The following SYNE2 variants were observed in gnomAD, a reference collection of about 807,000 sequenced individuals.
SYNE2 encodes spectrin repeat containing nuclear envelope protein 2.
A neutral mutation model predicts 856.3 loss-of-function variants in SYNE2; 431 were observed. That is an observed-to-expected ratio of 0.50 (90% CI 0.47 to 0.55). SYNE2 has a LOEUF of 0.55. Ranked by LOEUF, SYNE2 falls within the 20% of genes least tolerant of loss-of-function variation. SYNE2 has a pLI of 0.00. For missense variants in SYNE2, 8,129 were observed against 8,023.2 expected, an observed-to-expected ratio of 1.01 and a Z score of -0.50; for synonymous variants, 2,923 against 2,872.3, an observed-to-expected ratio of 1.02 and a Z score of -0.56.
At chr14:64,031,958 G>A (rs1037848173) in intron 45 of SYNE2, among the ~76,000 whole-genome samples, 8 of 152,284 alleles carry the variant, frequency 5.3e-5, no homozygotes, top group Non-Finnish European at 1.2e-4. Flanking sequence ...ATTGAAATGG[G>A]AATCGCACAA....
intron 59 of SYNE2, 45 bp from the exon 60 acceptor site, chr14:64,090,821 C>T: frequency 6.6e-7 from 1 of 1,514,334 alleles, no homozygotes; most frequent in Non-Finnish European, 9.1e-7. Flanking sequence ...TAACAGTGGC[C>T]ATTGTCTTTT....
At chr14:63,814,457 C>T in intron 1 of SYNE2, among the ~76,000 whole-genome samples, 1 of 30,202 alleles carries the variant, frequency 3.3e-5, no homozygotes. Context: ...TAATATATAT[C>T]CTTATATATC....
chr14:64,192,908 G>A (rs936147114), intron 99 of SYNE2, among the ~76,000 whole-genome samples: 17 of 152,336 alleles, frequency 1.1e-4, no homozygotes, highest in African/African-American at 4.1e-4. Flanking sequence ...GCAAGGGCCA[G>A]GCTGAGACAG....
chr14:64,221,753 C>A, intron 112 of SYNE2, 49 bp downstream of exon 112: 1 of 1,603,774 alleles, frequency 6.2e-7, no homozygotes, highest in South Asian at 1.1e-5. Flanking sequence ...TCTGTCAGCC[C>A]CAGAGAGGCA....
intron 61 of SYNE2, 46 bp downstream of exon 61, chr14:64,093,526 T>G: frequency 6.2e-7 from 1 of 1,611,804 alleles, no homozygotes; most frequent in Admixed American, 1.7e-5. Context: ...TGTCCATCAG[T>G]GCATTTATTT....
At chr14:64,103,401 A>G (rs1406702806) in intron 64 of SYNE2, among the ~76,000 whole-genome samples, 2 of 150,082 alleles carry the variant, frequency 1.3e-5, no homozygotes, top group African/African-American at 4.9e-5. Context: ...GATAAATTAG[A>G]TGCGCTAAGT....
At chr14:64,086,164 T>A (rs955802813) in intron 57 of SYNE2, among the ~76,000 whole-genome samples, 1 of 152,364 alleles carries the variant, frequency 6.6e-6, no homozygotes, top group Non-Finnish European at 1.5e-5. Flanking sequence ...AGATCTATGA[T>A]TCATTTCATG....
At chr14:64,116,577 C>G (rs1487431638) in intron 66 of SYNE2, among the ~76,000 whole-genome samples, 1 of 152,144 alleles carries the variant, frequency 6.6e-6, no homozygotes, top group Non-Finnish European at 1.5e-5. Flanking sequence ...ACCACAGCAT[C>G]TGGCTAATTT....
intron 57 of SYNE2, among the ~76,000 whole-genome samples, chr14:64,082,614 C>T (rs1452061501): frequency 1.3e-5 from 2 of 152,140 alleles, no homozygotes; most frequent in African/African-American, 4.8e-5. Flanking sequence ...CCTGAATGAT[C>T]TTCAAAGAGA....
intron 94 of SYNE2, chr14:64,173,791 A>G (rs2098421660): frequency 3.7e-6 from 2 of 544,382 alleles, no homozygotes; most frequent in South Asian, 2.5e-5. Context: ...ACAGACAAAA[A>G]CTATTTAATT....
intron 110 of SYNE2, among the ~76,000 whole-genome samples, chr14:64,219,842 G>C (rs1033255908): frequency 1.3e-5 from 2 of 152,130 alleles, no homozygotes; most frequent in Non-Finnish European, 2.9e-5. Flanking sequence ...GATGAATCCC[G>C]TGGCCTGACC....
chr14:64,209,821 C>A, intron 102 of SYNE2, 121 bp from the exon 103 acceptor site: 2 of 1,382,106 alleles, frequency 1.4e-6, no homozygotes, highest in Non-Finnish European at 1.0e-6. Context: ...GAATTAGGCC[C>A]TCTGCTGCCA....
At chr14:63,989,347 TA>T (rs2096649762) in intron 19 of SYNE2, among the ~76,000 whole-genome samples, 1 of 152,194 alleles carries the variant, frequency 6.6e-6, no homozygotes, top group Non-Finnish European at 1.5e-5. Flanking sequence ...TTTATTTTAT[TA>T]TTTTTTTGAG....
intron 1 of SYNE2, among the ~76,000 whole-genome samples, chr14:63,784,952 T>TGG (rs1887458709): frequency 1.1e-5 from 1 of 89,980 alleles, no homozygotes; most frequent in Non-Finnish European, 2.7e-5. Context: ...TGTTATTTTT[T>TGG]TGGGGGGGTG....
chr14:64,156,901 G>A (rs910425951), intron 85 of SYNE2, among the ~76,000 whole-genome samples: 28 of 152,134 alleles, frequency 1.8e-4, no homozygotes, highest in African/African-American at 6.8e-4. Flanking sequence ...GCCCTGTTTG[G>A]GGCAGAGATT....
chr14:64,037,175 G>T lies in SYNE2; in HGVS notation c.7221+5818G>T, dbSNP rs139092454. ...AATTGATCATTCTTGGGTGTTTCTCGCAGAGGGGGATTTGGCGGGGTCATA... is the reference window on the plus strand; with the variant it reads ...AATTGATCATTCTTGGGTGTTTCTCTCAGAGGGGGATTTGGCGGGGTCATA... On this transcript the variant is annotated intron_variant, in intron 45 of 115. Coordinates refer to ENST00000555002, the MANE Select transcript of SYNE2 (RefSeq NM_182914.3). 1.1e-3 allele frequency among the ~76,000 whole-genome samples: 161 copies of T among 149,744 alleles called. 3 individuals carry two copies. In the South Asian group the frequency reaches 0.015, roughly 14 times the overall value.
chr14:64,026,846 T>A, intron 42 of SYNE2, 116 bp downstream of exon 42: 1 of 1,275,598 alleles, frequency 7.8e-7, no homozygotes, highest in Non-Finnish European at 1.1e-6. Flanking sequence ...AGAAAGTTGG[T>A]AATGTCAGGG....
intron 1 of SYNE2, among the ~76,000 whole-genome samples, chr14:63,896,483 C>T (rs1285153621): frequency 6.6e-6 from 1 of 152,198 alleles, no homozygotes; most frequent in Admixed American, 6.5e-5. Context: ...TCAGGCATTC[C>T]TCTATGAATA....
chr14:64,084,215 C>T (rs1158567452), intron 57 of SYNE2: 2 of 152,214 alleles, frequency 1.3e-5, no homozygotes, highest in African/African-American at 2.4e-5. Context: ...TGAGCCACCA[C>T]ACCCGGCCTG....
Sources: gnomAD v4.1 joint callset for allele counts (sites outside exome capture counted in the v4.1 genomes callset) on GRCh38, gnomAD v4.1.1 for gene constraint, MANE v1.5 for transcripts, NCBI Gene and HGNC (gene_info 2026-07-23, HGNC 2026-07-21) for gene names.